PARD3: variants seen among roughly 807,000 people sequenced by gnomAD.
PARD3 encodes partitioning defective 3 homolog.
A neutral mutation model predicts 155.4 loss-of-function variants in PARD3; 75 were observed. That is an observed-to-expected ratio of 0.48 (90% CI 0.40 to 0.58). PARD3 has a LOEUF of 0.58. Ranked by LOEUF, PARD3 falls within the 20% of genes least tolerant of loss-of-function variation. The pLI, the probability that PARD3 is intolerant of heterozygous loss-of-function variation, is 0.00. For missense variants in PARD3, 1,642 were observed against 1,721.7 expected (o/e 0.95, Z 0.82); for synonymous variants, 576 against 610.5 (o/e 0.94, Z 0.83).
chr10:34,435,674 C>A (rs911844910), intron 5 of PARD3, among the ~76,000 whole-genome samples: 2 of 152,192 alleles, frequency 1.3e-5, no homozygotes, highest in African/African-American at 4.8e-5. Context: ...CACATTCATT[C>A]ACAAAAGTTT....
At chr10:34,709,396 C>T (rs577179157) in intron 1 of PARD3, among the ~76,000 whole-genome samples, 2 of 152,234 alleles carry the variant, frequency 1.3e-5, no homozygotes, top group Non-Finnish European at 2.9e-5. Context: ...AACAGATGCT[C>T]CACCTGTATA....
rs1258552771 is a variant in PARD3, at chr10:34,110,885, T to C, written c.*284A>G. ...AACCAAGCCGCGGACAACTCATGAG[T>C]AGGGCCGAGATTCCTGGTACTGTGG... On this transcript the variant is annotated 3_prime_UTR_variant, in exon 25 of 25. Transcript: ENST00000374788. 1 of 269,734 alleles carries C rather than the reference T, an allele frequency of 3.7e-6. No individual in the cohort carries two copies. The highest frequency in any genetic ancestry group is 7.0e-6 in the Non-Finnish European group (1 of 143,350). The allele number at this position is 269,734 out of a possible 1,614,324, so 16.7% of individuals were successfully genotyped here.
chr10:34,480,157 G>A (rs1247199574), intron 3 of PARD3, among the ~76,000 whole-genome samples: 1 of 152,252 alleles, frequency 6.6e-6, no homozygotes, highest in Non-Finnish European at 1.5e-5. Context: ...ACAGATAGGT[G>A]TGGAGGATCA....
intron 7 of PARD3, among the ~76,000 whole-genome samples, chr10:34,393,304 G>A (rs12241881): frequency 0.015 from 2,281 of 152,114 alleles, 59 homozygotes; most frequent in African/African-American, 0.051. Flanking sequence ...TCCAGGCCAG[G>A]CAAGGTGGCT....
At chr10:34,371,298 A>G (rs573865827) in intron 12 of PARD3, among the ~76,000 whole-genome samples, 5 of 151,890 alleles carry the variant, frequency 3.3e-5, no homozygotes, top group Non-Finnish European at 4.4e-5. Context: ...TAAGCCAAAA[A>G]TTAAAGCTAG....
intron 11 of PARD3, among the ~76,000 whole-genome samples, chr10:34,373,668 A>C (rs904807735): frequency 1.4e-4 from 21 of 152,106 alleles, no homozygotes; most frequent in African/African-American, 4.8e-4. Flanking sequence ...TGCATTAAAC[A>C]TTTTTAAATA....
chr10:34,238,197 C>T (rs567563352), intron 22 of PARD3, among the ~76,000 whole-genome samples: 19 of 152,308 alleles, frequency 1.2e-4, no homozygotes, highest in African/African-American at 4.3e-4. Context: ...TCTTTTCACT[C>T]TGCATTTCAG....
intron 10 of PARD3, 106 bp downstream of exon 10, chr10:34,377,861 T>G: frequency 1.3e-6 from 1 of 783,714 alleles, no homozygotes. Flanking sequence ...TCCGCTAAAA[T>G]GTATATAACT....
At chr10:34,188,805 C>T (rs1564467089) in intron 22 of PARD3, among the ~76,000 whole-genome samples, 1 of 151,810 alleles carries the variant, frequency 6.6e-6, no homozygotes, top group Admixed American at 6.6e-5. Flanking sequence ...CCAGAAGATG[C>T]TCCACTGCTC....
In PARD3 at chr10:34,196,949, G is replaced by T. The variant is rs374201809; in HGVS notation, c.3420-65366C>A. Among the ~76,000 whole-genome samples, 143 of 152,192 alleles carry T rather than the reference G, an allele frequency of 9.4e-4. 2 individuals are homozygous for T. Among genetic ancestry groups the T allele is most frequent in the African/African-American group, 2.9e-3 (121 of 41,532 alleles). ...CCATGCTAATTCTTTTGATACTGGC[G>T]TTACTATGAACCGCAAGCTTTGTCT... On this transcript the variant is annotated intron_variant, in intron 22 of 24. Coordinates refer to ENST00000374788, the MANE Select transcript of PARD3 (RefSeq NM_001184785.2).
At chr10:34,695,969 C>T (rs759100101) in intron 2 of PARD3, among the ~76,000 whole-genome samples, 5 of 152,092 alleles carry the variant, frequency 3.3e-5, no homozygotes, top group East Asian at 3.8e-4. Flanking sequence ...GTTGTATACA[C>T]GGAGATGATA....
At chr10:34,743,249 A>C (rs2095050961) in intron 1 of PARD3, among the ~76,000 whole-genome samples, 1 of 152,226 alleles carries the variant, frequency 6.6e-6, no homozygotes, top group Non-Finnish European at 1.5e-5. Flanking sequence ...GCTGTCTTCA[A>C]CACCAGGTGA....
chr10:34,526,282 A>C (rs1054147791), intron 2 of PARD3, among the ~76,000 whole-genome samples: 1 of 151,968 alleles, frequency 6.6e-6, no homozygotes, highest in Non-Finnish European at 1.5e-5. Flanking sequence ...TGGGGGTGAA[A>C]TACTTTCCAT....
At chr10:34,611,390 A>G (rs2090879220) in intron 2 of PARD3, among the ~76,000 whole-genome samples, 1 of 152,184 alleles carries the variant, frequency 6.6e-6, no homozygotes, top group Non-Finnish European at 1.5e-5. Context: ...GCATTACCTA[A>G]CCATGTACTA....
intron 2 of PARD3, among the ~76,000 whole-genome samples, chr10:34,637,327 T>A (rs1483250858): frequency 6.6e-6 from 1 of 152,164 alleles, no homozygotes; most frequent in Admixed American, 6.5e-5. Context: ...TCATAACTAT[T>A]CAAGGGATGA....
chr10:34,355,933 AAAAAAAAAAAAAACAAAACAAAACC>A (rs1221346692), intron 14 of PARD3, among the ~76,000 whole-genome samples: 2 of 128,254 alleles, frequency 1.6e-5, no homozygotes, highest in East Asian at 2.0e-4. Flanking sequence ...TCAAAAAAAA[AAAAAAAAAAAAAACAAAACAAAACC>A]AAACAAAAAA....
In PARD3 at chr10:34,397,738, T is replaced by C. The variant is rs1388501292; in HGVS notation, c.890+1592A>G. ...AATACACAATAAACGACAGAAAATA[T>C]AGTAACATGTAATTGAAATGCTGGC... On this transcript the variant is annotated intron_variant, in intron 7 of 24. Transcript: ENST00000374788. Among the ~76,000 whole-genome samples the C allele has an allele frequency of 5.3e-5, 8 of 152,172 alleles. No individual in the cohort carries two copies. The East Asian group carries it at 1.2e-3, about 22-fold the overall frequency.
At chr10:34,721,668 T>C (rs2094608397) in intron 1 of PARD3, among the ~76,000 whole-genome samples, 1 of 152,230 alleles carries the variant, frequency 6.6e-6, no homozygotes. Flanking sequence ...AGCCATCTCC[T>C]GGAGACATAA....
intron 2 of PARD3, among the ~76,000 whole-genome samples, chr10:34,622,110 C>T (rs2091715841): frequency 1.3e-5 from 2 of 152,140 alleles, no homozygotes; most frequent in African/African-American, 4.8e-5. Context: ...TTACATCTGA[C>T]AACATTCCTT....
Sources: allele counts gnomAD v4.1 joint callset (sites outside exome capture counted in the v4.1 genomes callset), GRCh38; gene constraint gnomAD v4.1.1; transcripts MANE v1.5; gene names NCBI Gene and HGNC (gene_info 2026-07-23, HGNC 2026-07-21).